The following DDC variants were observed in gnomAD, a reference collection of about 807,000 sequenced individuals.
The protein encoded by DDC is aromatic-L-amino-acid decarboxylase.
In DDC, 43 loss-of-function variants were observed where a neutral mutation model predicts 60.0. That is an observed-to-expected ratio of 0.72 (90% CI 0.56 to 0.92). DDC has a LOEUF of 0.92. DDC is among the 40% of genes least tolerant of loss of function. The pLI, the probability that DDC is intolerant of heterozygous loss-of-function variation, is 0.00. For synonymous variants in DDC, 232 were observed against 234.6 expected (o/e 0.99, Z 0.10); for missense variants, 573 against 620.2 (o/e 0.92, Z 0.81).
At chr7:50,494,282 T>C (rs1433336224) in intron 9 of DDC, among the ~76,000 whole-genome samples, 1 of 151,794 alleles carries the variant, frequency 6.6e-6, no homozygotes, top group Non-Finnish European at 1.5e-5. Context: ...CCGAGGAGGG[T>C]GGATCATGAG....
chr7:50,468,418 A>G (rs2042448974), intron 12 of DDC, among the ~76,000 whole-genome samples: 1 of 152,158 alleles, frequency 6.6e-6, no homozygotes. Context: ...TAAATCCCTT[A>G]TTTTTTGGCT....
chr7:50,463,450 A>C lies in DDC; in HGVS notation c.1243-19T>G, dbSNP rs778344466. On this transcript the variant is annotated intron_variant, in intron 13 of 14. Coordinates refer to ENST00000444124, the MANE Select transcript of DDC (RefSeq NM_001082971.2). ...TGGAACCCTGGAGGGATTGAAAGAG[A>C]GGAACTGTGCTCAGGTCTCTGAGGA... 6.2e-7 allele frequency: 1 copy of C among 1,609,954 alleles called. No homozygotes were observed. Among genetic ancestry groups the C allele is most frequent in the Non-Finnish European group, 8.5e-7 (1 of 1,176,234 alleles).
At chr7:50,543,834 T>C in intron 2 of DDC, 51 bp downstream of exon 2, 2 of 1,535,706 alleles carry the variant, frequency 1.3e-6, no homozygotes, top group Non-Finnish European at 1.8e-6. Flanking sequence ...GCCAAGTAGG[T>C]GCTATGTGAG....
At chr7:50,479,760 T>C (rs2042725739) in intron 10 of DDC, 27 bp downstream of exon 10, 4 of 1,605,924 alleles carry the variant, frequency 2.5e-6, no homozygotes, top group Non-Finnish European at 3.4e-6. Flanking sequence ...CCAGAAACAG[T>C]CCACAGAAAG....
intron 1 of DDC, among the ~76,000 whole-genome samples, chr7:50,558,413 A>G (rs952788745): frequency 3.3e-5 from 5 of 152,120 alleles, no homozygotes; most frequent in East Asian, 1.9e-4. Context: ...CCTATTCCTC[A>G]TATTGAACAG....
intron 11 of DDC, among the ~76,000 whole-genome samples, chr7:50,475,377 C>T (rs943674926): frequency 6.6e-6 from 1 of 152,150 alleles, no homozygotes; most frequent in Non-Finnish European, 1.5e-5. Flanking sequence ...TCCCAGTGTG[C>T]CCTTATGTGC....
intron 6 of DDC, among the ~76,000 whole-genome samples, chr7:50,520,497 G>C (rs1380582807): frequency 6.6e-6 from 1 of 152,078 alleles, no homozygotes; most frequent in Non-Finnish European, 1.5e-5. Flanking sequence ...AAAATTTGTG[G>C]GATGCAGTGA....
At chr7:50,516,139 C>G (rs754792112) in intron 6 of DDC, among the ~76,000 whole-genome samples, 1 of 152,102 alleles carries the variant, frequency 6.6e-6, no homozygotes, top group Non-Finnish European at 1.5e-5. Context: ...CGTTCAACAG[C>G]GCATGGAACT....
intron 6 of DDC, among the ~76,000 whole-genome samples, chr7:50,509,487 A>G (rs1163250764): frequency 6.6e-6 from 1 of 152,234 alleles, no homozygotes; most frequent in Non-Finnish European, 1.5e-5. Context: ...AACTTGCTCC[A>G]GCAATGGCAC....
intron 12 of DDC, among the ~76,000 whole-genome samples, chr7:50,468,771 C>G (rs1227925248): frequency 6.6e-6 from 1 of 152,000 alleles, no homozygotes; most frequent in Non-Finnish European, 1.5e-5. Flanking sequence ...TGTGCTTGTT[C>G]CCATGAAGCC....
chr7:50,487,417 C>T (rs1479061145), intron 9 of DDC, among the ~76,000 whole-genome samples: 4 of 151,970 alleles, frequency 2.6e-5, no homozygotes, highest in South Asian at 2.1e-4. Context: ...ATAAAACACG[C>T]GAGGATGTGT....
chr7:50,459,590 G>A (rs2042208056), intron 14 of DDC: 1 of 176,622 alleles, frequency 5.7e-6, no homozygotes, highest in Non-Finnish European at 1.2e-5. Context: ...TGAGATGTGG[G>A]GAGCGCCTCT....
chr7:50,507,933 T>G (rs1428696130), intron 6 of DDC, among the ~76,000 whole-genome samples: 3 of 152,198 alleles, frequency 2.0e-5, no homozygotes, highest in Non-Finnish European at 4.4e-5. Context: ...CTCCAAGAGG[T>G]GGGTAATTGT....
chr7:50,529,163 A>G (rs371954618), intron 5 of DDC, 45 bp downstream of exon 5: 4 of 1,611,768 alleles, frequency 2.5e-6, no homozygotes, highest in East Asian at 4.5e-5. Flanking sequence ...AAAACCAAAC[A>G]TTCGGGTCTT....
intron 9 of DDC, among the ~76,000 whole-genome samples, chr7:50,482,220 A>C (rs974849642): frequency 2.6e-5 from 4 of 152,218 alleles, no homozygotes; most frequent in African/African-American, 9.7e-5. Flanking sequence ...TATCCTGGTC[A>C]ACGTTTAGTA....
At chr7:50,484,199 G>T (rs550636564) in intron 9 of DDC, among the ~76,000 whole-genome samples, 1 of 152,282 alleles carries the variant, frequency 6.6e-6, no homozygotes, top group African/African-American at 2.4e-5. Flanking sequence ...TCTTTCCAGA[G>T]ATCGTTTATG....
intron 9 of DDC, among the ~76,000 whole-genome samples, chr7:50,488,410 CA>C (rs1324610726): frequency 6.6e-6 from 1 of 151,406 alleles, no homozygotes; most frequent in Non-Finnish European, 1.5e-5. Context: ...AAAAGAGATG[CA>C]AAAAAAGTTA....
chr7:50,543,547 C>A, intron 2 of DDC: 1 of 373,720 alleles, frequency 2.7e-6, no homozygotes, highest in South Asian at 2.3e-5. Context: ...AAGCAGCCAC[C>A]AGTGTCTTGC....
chr7:50,489,412 C>T (rs781620476), intron 9 of DDC, among the ~76,000 whole-genome samples: 48 of 152,134 alleles, frequency 3.2e-4, no homozygotes, highest in Middle Eastern at 3.2e-3. Flanking sequence ...TAAAGTCCTA[C>T]GAAAACTGAG....
Sources: gnomAD v4.1 joint callset for allele counts (sites outside exome capture counted in the v4.1 genomes callset) on GRCh38, gnomAD v4.1.1 for gene constraint, MANE v1.5 for transcripts, NCBI Gene and HGNC (gene_info 2026-07-23, HGNC 2026-07-21) for gene names.